DHX37: variants seen among roughly 807,000 people sequenced by gnomAD.
The protein encoded by DHX37 is probable ATP-dependent RNA helicase DHX37.
A neutral mutation model predicts 134.3 loss-of-function variants in DHX37; 52 were observed. The observed-to-expected ratio is 0.39, with a 90% CI of 0.31 to 0.49. DHX37 has a LOEUF of 0.49. Among genes scored for constraint, DHX37 ranks in the 20% least tolerant of loss-of-function variants. DHX37 has a pLI of 0.93. For synonymous variants in DHX37, 634 were observed against 670.7 expected, an observed-to-expected ratio of 0.95 and a Z score of 0.85; for missense variants, 1,344 against 1,580.8, an observed-to-expected ratio of 0.85 and a Z score of 2.54.
rs7314481 is a variant in DHX37 at position 124,982,557 on chromosome 12, T to C, written c.343A>G (p.Thr115Ala). The C allele has an allele frequency of 1.2e-6, 2 of 1,613,658 alleles. No homozygotes were observed. The highest frequency in any genetic ancestry group is 2.2e-5 in the South Asian group (2 of 91,074). ...TTCCCAGTGCCTAGCTTGGAAGTGG[T>C]ATAAAAGAGTCTCATCTCAGCTTCG... Reference protein sequence around the residue: ...ASEAEMRLFYTTSKLGTGNRM... With the variant: ...ASEAEMRLFYATSKLGTGNRM... Residue 115 changes from threonine (T) to alanine (A), a missense_variant, in exon 3 of 27, where the codon ACC (threonine) becomes GCC (alanine). Physicochemically the swap from Thr to Ala is moderately conservative, Grantham distance 58. This residue lies in a region of DHX37 where 319 missense variants were observed against 296.1 expected (regional missense o/e 1.08). Coordinates refer to ENST00000308736, the MANE Select transcript of DHX37 (RefSeq NM_032656.4).
intron 11 of DHX37, 30 bp from the exon 12 acceptor site, chr12:124,966,908 C>T (rs371696236): frequency 1.2e-5 from 19 of 1,613,772 alleles, no homozygotes; most frequent in South Asian, 3.3e-5. Context: ...GGGAGAAAGG[C>T]GTCTGTGGCC....
intron 21 of DHX37, among the ~76,000 whole-genome samples, chr12:124,951,683 G>C (rs1953980125): frequency 6.6e-6 from 1 of 152,164 alleles, no homozygotes; most frequent in Non-Finnish European, 1.5e-5. Flanking sequence ...TAGAGGCCAG[G>C]AGTTCAAGAC....
intron 8 of DHX37, among the ~76,000 whole-genome samples, chr12:124,970,823 A>C (rs1479884294): frequency 2.6e-5 from 4 of 151,798 alleles, no homozygotes; most frequent in Non-Finnish European, 4.4e-5. Context: ...TACTGCATGA[A>C]GCCGCGCCCC....
rs776028516 is a variant in DHX37 at position 124,957,028 on chromosome 12, C to A, written c.2264+1G>T. 1 of 1,516,484 alleles carries A rather than the reference C, an allele frequency of 6.6e-7. No homozygotes were observed. Among genetic ancestry groups the A allele is most frequent in the Non-Finnish European group, 8.8e-7 (1 of 1,135,974 alleles). 93.9% of individuals were successfully genotyped at this position (1,516,484 alleles called of 1,614,324 possible). A position where few individuals can be genotyped will look rare whatever the true frequency, so the allele number is the denominator to read the frequency against. On this transcript the variant is annotated splice_donor_variant, in intron 17 of 26. Transcript: ENST00000308736. LOFTEE classifies it high-confidence loss of function. ...CTGGGCTCTGCATCTCTTGGCCTTA[C>A]CTTTCTGCTTTCTGGGGCGGTTGCA... is the stretch of plus-strand genomic sequence containing the variant.
intron 8 of DHX37, 109 bp from the exon 9 acceptor site, chr12:124,969,077 C>T: frequency 9.7e-7 from 1 of 1,035,744 alleles, no homozygotes; most frequent in Non-Finnish European, 1.4e-6. Flanking sequence ...CCAGCCCCCA[C>T]CCTCTGCCCC....
intron 20 of DHX37, 81 bp downstream of exon 20, chr12:124,953,799 A>T: frequency 6.4e-7 from 1 of 1,559,306 alleles, no homozygotes. Context: ...CGTGGACTCT[A>T]TGGATCACTT....
chr12:124,981,450 G>A (rs1014459864), intron 3 of DHX37, among the ~76,000 whole-genome samples: 3 of 152,160 alleles, frequency 2.0e-5, no homozygotes, highest in African/African-American at 7.2e-5. Context: ...TCGAGACTAG[G>A]TGGGAACATG....
chr12:124,956,734 C>A lies in DHX37; in HGVS notation c.2410G>T (p.Val804Leu). 1 of 1,599,036 alleles carries A rather than the reference C, an allele frequency of 6.3e-7. No homozygotes were observed. The highest frequency in any genetic ancestry group is 1.1e-5 in the South Asian group (1 of 90,348). Reference protein sequence around the residue: ...HGCLPYAITIVASMTVRELFE... With the variant: ...HGCLPYAITILASMTVRELFE... The stretch of plus-strand genomic sequence containing the variant: ...AGCTCCCGCACCGTCATGCTGGCCA[C>A]GATGGTGATGGCATAGGGCAGGCAG... The change falls in exon 18 of 27, where the codon GTG becomes TTG. Residue 804 changes from valine (V) to leucine (L), a missense_variant. Coordinates refer to ENST00000308736, the MANE Select transcript of DHX37 (RefSeq NM_032656.4).
At chr12:124,951,412 G>A (rs1953975128) in intron 21 of DHX37, among the ~76,000 whole-genome samples, 2 of 152,144 alleles carry the variant, frequency 1.3e-5, no homozygotes, top group African/African-American at 4.8e-5. Context: ...CAAATGTCCA[G>A]AACAGGCAGA....
chr12:124,970,062 C>T (rs549577849), intron 8 of DHX37, among the ~76,000 whole-genome samples: 90 of 152,326 alleles, frequency 5.9e-4, no homozygotes, highest in Non-Finnish European at 8.8e-4. Flanking sequence ...AAGCTCCACC[C>T]GCTGGGTTCA....
At position 124,973,638 on chromosome 12, in the gene DHX37, C is replaced by CTTTTTTTTTTTTTTT. The variant is rs71092252; in HGVS notation, c.981-1054_981-1040dup. Among the ~76,000 whole-genome samples, 8 of 102,874 alleles carry CTTTTTTTTTTTTTTT rather than the reference C, an allele frequency of 7.8e-5. 3 individuals are homozygous for CTTTTTTTTTTTTTTT. The highest frequency in any genetic ancestry group is 1.2e-4 in the Admixed American group (1 of 8,672). 67.5% of individuals were successfully genotyped at this position (102,874 alleles called of 152,430 possible). On this transcript the variant is annotated intron_variant, in intron 6 of 26. Transcript: ENST00000308736. ...TTATGTATATGCGCCCCCCCCAACG[C>CTTTTTTTTTTTTTTT]TTTTTTTTTTTTTTTTTTTTGAGAT...
chr12:124,952,558 C>T lies in DHX37; in HGVS notation c.2708G>A (p.Cys903Tyr). Reference protein sequence around the residue: ...GQLTTAVNAVCPEAELFVDPK... With the variant: ...GQLTTAVNAVYPEAELFVDPK... Reference sequence around the variant, plus strand: ...ATCCACGAAGAGCTCAGCCTCGGGGCACACGGCATTGACTGAGGGGAGAAC... The same window carrying T: ...ATCCACGAAGAGCTCAGCCTCGGGGTACACGGCATTGACTGAGGGGAGAAC... Residue 903 changes from cysteine (C) to tyrosine (Y), a missense_variant, in exon 21 of 27, where the codon TGC becomes TAC. Physicochemically the swap from Cys to Tyr is radical, Grantham distance 194 (BLOSUM62 -2). This residue lies in a region of DHX37 where 558 missense variants were observed against 650.0 expected (regional missense o/e 0.86). Transcript: ENST00000308736. The T allele has an allele frequency of 6.3e-7, 1 of 1,589,486 alleles. No individual in the cohort carries two copies. Among genetic ancestry groups the T allele is most frequent in the Middle Eastern group, 1.7e-4 (1 of 5,944 alleles).
In DHX37 at chr12:124,988,950, G is replaced by A; in HGVS notation, c.73C>T (p.Pro25Ser). The A allele has an allele frequency of 2.2e-6, 3 of 1,342,172 alleles. No individual in the cohort carries two copies. Among genetic ancestry groups the A allele is most frequent in the Non-Finnish European group, 2.9e-6 (3 of 1,037,676 alleles). The allele number at this position is 1,342,172 out of a possible 1,614,324, so 83.1% of individuals were successfully genotyped here. A position where few individuals can be genotyped will look rare whatever the true frequency, so the allele number is the denominator to read the frequency against. The change falls in exon 1 of 27, where the codon CCC (proline) becomes TCC (serine). Residue 25 changes from proline to serine, a missense_variant. Around this residue, in one of 7 missense-constraint regions of DHX37, gnomAD observed 319 missense variants for 296.1 expected, o/e 1.08. Coordinates refer to ENST00000308736, the MANE Select transcript of DHX37 (RefSeq NM_032656.4). ...QAGPGPSKGP[P>S]EPPPVQLELE... ...TCCAGCTGCACGGGGGGCGGCTCGGGGGGGCCCTTCGAGGGTCCGGGGCCC... is the reference window on the plus strand; with the variant it reads ...TCCAGCTGCACGGGGGGCGGCTCGGAGGGGCCCTTCGAGGGTCCGGGGCCC...
chr12:124,950,339 G>A, intron 23 of DHX37, 74 bp downstream of exon 23: 4 of 1,598,234 alleles, frequency 2.5e-6, no homozygotes, highest in Non-Finnish European at 3.4e-6. Flanking sequence ...CCGGGGGCAG[G>A]GGACAGGACC....
rs1954520766 is a variant in DHX37 at position 124,971,428 on chromosome 12, C to G, written c.1078-13G>C. On this transcript the variant is annotated splice_polypyrimidine_tract_variant and intron_variant, in intron 7 of 26. Transcript: ENST00000308736. Reference sequence around the variant, plus strand: ...GCAGCAGGAAGTCCTGGGGGGAGGTCCGGGGTGAGGCCCACCCTTCCAGCC... The same window carrying G: ...GCAGCAGGAAGTCCTGGGGGGAGGTGCGGGGTGAGGCCCACCCTTCCAGCC... 1.2e-6 allele frequency: 2 copies of G among 1,611,926 alleles called. No individual in the cohort carries two copies. The highest frequency in any genetic ancestry group is 1.3e-5 in the African/African-American group (1 of 75,012).
chr12:124,974,834 T>C (rs1461390961), intron 6 of DHX37, among the ~76,000 whole-genome samples: 1 of 151,356 alleles, frequency 6.6e-6, no homozygotes, highest in Non-Finnish European at 1.5e-5. Flanking sequence ...TGGAGTGCAA[T>C]GGTGCGATCT....
intron 16 of DHX37, among the ~76,000 whole-genome samples, chr12:124,958,666 G>A (rs1202090415): frequency 1.3e-5 from 2 of 151,592 alleles, no homozygotes; most frequent in Non-Finnish European, 1.5e-5. Context: ...TTGCTATATC[G>A]CCCAGGCTAG....
intron 4 of DHX37, 95 bp from the exon 5 acceptor site, chr12:124,977,585 C>T: frequency 2.2e-6 from 3 of 1,382,516 alleles, no homozygotes; most frequent in South Asian, 1.6e-5. Flanking sequence ...GGGTGCTGAA[C>T]AGATGTGCCT....
chr12:124,988,784 T>TG (rs1954921892), intron 1 of DHX37, 133 bp downstream of exon 1: 5 of 439,138 alleles, frequency 1.1e-5, no homozygotes, highest in Non-Finnish European at 2.0e-5. Flanking sequence ...TCATCTGGAA[T>TG]GGGGGGACCC....
Sources: allele counts gnomAD v4.1 joint callset (sites outside exome capture counted in the v4.1 genomes callset), GRCh38; gene constraint gnomAD v4.1.1; regional missense constraint gnomAD v4.1.1; transcripts MANE v1.5; gene names NCBI Gene and HGNC (gene_info 2026-07-23, HGNC 2026-07-21).